KIR3DL3: variants seen among roughly 807,000 people sequenced by gnomAD.
KIR3DL3 encodes the protein killer cell immunoglobulin like receptor, three Ig domains and long cytoplasmic tail 3.
A neutral mutation model predicts 34.9 loss-of-function variants in KIR3DL3; 27 were observed. The observed-to-expected ratio is 0.77, with a 90% CI of 0.57 to 1.07. The LOEUF is 1.07. Among genes scored for constraint, KIR3DL3 ranks in the 50% least tolerant of loss-of-function variants. KIR3DL3 has a pLI of 0.00. For synonymous variants in KIR3DL3, 217 were observed against 200.2 expected (o/e 1.08, Z -0.71); for missense variants, 681 against 528.5 (o/e 1.29, Z -2.83).
chr19:54,732,970 T>C (rs2068987007), intron 5 of KIR3DL3, among the ~76,000 whole-genome samples: 1 of 152,138 alleles, frequency 6.6e-6, no homozygotes, highest in Admixed American at 6.5e-5. Context: ...AACTGGAATC[T>C]AGGAGACCGT....
At chr19:54,734,552 G>T (rs35835276) in intron 5 of KIR3DL3, among the ~76,000 whole-genome samples, 2,134 of 151,556 alleles carry the variant, frequency 0.014, 55 homozygotes, top group African/African-American at 0.049. Context: ...ACTGCATGAC[G>T]TCCTCCTCCA....
At position 54,725,932 on chromosome 19, in the gene KIR3DL3, C is replaced by T. The variant is rs1310700748; in HGVS notation, c.71-121C>T. Reference sequence around the variant, plus strand: ...ATGCGGGATGGGTCCTTCCTGTAGCCCTGGGCACCCAGGTGTGGTAGGAGC... The same window carrying T: ...ATGCGGGATGGGTCCTTCCTGTAGCTCTGGGCACCCAGGTGTGGTAGGAGC... On this transcript the variant is annotated intron_variant, in intron 2 of 7. Transcript: ENST00000291860. 9 of 938,714 alleles carry T rather than the reference C, an allele frequency of 9.6e-6. No individual in the cohort carries two copies. In the East Asian group the frequency reaches 1.9e-4, roughly 20 times the overall value. The allele number at this position is 938,714 out of a possible 1,614,324, so 58.1% of individuals were successfully genotyped here. A position where few individuals can be genotyped will look rare whatever the true frequency, so the allele number is the denominator to read the frequency against.
At position 54,736,444 on chromosome 19, in the gene KIR3DL3, C is replaced by A; in HGVS notation, c.*348C>A. The A allele has an allele frequency of 4.8e-6, 2 of 418,854 alleles. No homozygotes were observed. Among genetic ancestry groups the A allele is most frequent in the Non-Finnish European group, 8.6e-6 (2 of 232,358 alleles). The allele number at this position is 418,854 out of a possible 1,614,324, so 25.9% of individuals were successfully genotyped here. A position where few individuals can be genotyped will look rare whatever the true frequency, so the allele number is the denominator to read the frequency against. ...GGCTTACTTCCTAGTCTACTTGAGG[C>A]TGCGATCACACTGAGGAACTCACAA... On this transcript the variant is annotated 3_prime_UTR_variant, in exon 8 of 8. Coordinates refer to ENST00000291860, the MANE Select transcript of KIR3DL3 (RefSeq NM_153443.5).
At chr19:54,732,240 G>A (rs2068884290) in intron 5 of KIR3DL3, among the ~76,000 whole-genome samples, 1 of 132,672 alleles carries the variant, frequency 7.5e-6, no homozygotes, top group African/African-American at 2.7e-5. Context: ...TTTTGTGTGT[G>A]TGTGTGTTTT....
At chr19:54,731,811 CTCT>C (rs2068825774) in intron 5 of KIR3DL3, among the ~76,000 whole-genome samples, 1 of 151,868 alleles carries the variant, frequency 6.6e-6, no homozygotes, top group Non-Finnish European at 1.5e-5. Flanking sequence ...ATCATTCAGA[CTCT>C]TCTTCTTTAC....
At position 54,729,649 on chromosome 19, in the gene KIR3DL3, G is replaced by T. The variant is rs1175885358; in HGVS notation, c.812G>T (p.Arg271Met). Residue 271 changes from arginine (R) to methionine (M), a missense_variant, in exon 5 of 8, where the codon AGG becomes ATG. Arg to Met is a moderately conservative substitution (Grantham distance 91). Coordinates refer to ENST00000291860, the MANE Select transcript of KIR3DL3 (RefSeq NM_153443.5). ...AGELRLTAVL[R>M]VNGTFQANFP... is the part of the protein sequence containing the mutation. Reference sequence around the variant, plus strand: ...GAACTTAGGCTCACTGCAGTGCTGAGGGTCAATGGAACATTCCAGGCCAAC... The same window carrying T: ...GAACTTAGGCTCACTGCAGTGCTGATGGTCAATGGAACATTCCAGGCCAAC... 418 of 1,601,128 alleles carry T rather than the reference G, an allele frequency of 2.6e-4. No homozygotes were observed. Among genetic ancestry groups the T allele is most frequent in the Non-Finnish European group, 3.1e-4 (369 of 1,176,654 alleles).
In KIR3DL3 at chr19:54,735,255, A is replaced by G. The variant is rs2069360619; in HGVS notation, c.952A>G (p.Asn318Asp). The change falls in exon 6 of 8, where the codon AAC (asparagine) becomes GAC (aspartate). Residue 318 changes from asparagine to aspartate, a missense_variant and splice_region_variant. Transcript: ENST00000291860. ...ATTGGTGTCTTGTCTTCCTCCAGGTAACTCCAGAAACCTGCACGTTCTGAT... is the reference window on the plus strand; with the variant it reads ...ATTGGTGTCTTGTCTTCCTCCAGGTGACTCCAGAAACCTGCACGTTCTGAT... ...SDPLPVSVTG[N>D]SRNLHVLIGT... The G allele has an allele frequency of 6.0e-6, 9 of 1,497,370 alleles. No individual in the cohort carries two copies. Among genetic ancestry groups the G allele is most frequent in the African/African-American group, 4.4e-5 (3 of 68,520 alleles). 92.8% of individuals were successfully genotyped at this position (1,497,370 alleles called of 1,614,324 possible). A position where few individuals can be genotyped will look rare whatever the true frequency, so the allele number is the denominator to read the frequency against.
intron 5 of KIR3DL3, among the ~76,000 whole-genome samples, chr19:54,731,621 C>T (rs2068802986): frequency 1.3e-5 from 2 of 152,066 alleles, no homozygotes; most frequent in South Asian, 4.2e-4. Flanking sequence ...GTATGAACTG[C>T]ATTTCACTGG....
chr19:54,729,500 T>C lies in KIR3DL3; in HGVS notation c.663T>C (p.Tyr221=), dbSNP rs2068568075. ...DPLDIVVVGL[Y]GKPSLSAQPG... is the part of the protein sequence containing the mutation. ...CACCTCTTCTTCTTCCAGGTCTATA[T>C]GGGAAACCTTCTCTCTCAGCCCAGC... is the stretch of plus-strand genomic sequence containing the variant. The change falls in exon 5 of 8, where the codon TAT becomes TAC. Residue 221 remains tyrosine, a synonymous_variant. Transcript: ENST00000291860. 1.1e-5 allele frequency: 18 copies of C among 1,603,192 alleles called. 1 individual carries two copies. The South Asian group carries it at 2.0e-4, about 18-fold the overall frequency.
chr19:54,729,511 C>T lies in KIR3DL3; in HGVS notation c.674C>T (p.Ser225Phe). The part of the protein sequence containing the change: ...IVVVGLYGKP[S>F]LSAQPGPTVQ... ...CTTCCAGGTCTATATGGGAAACCTT[C>T]TCTCTCAGCCCAGCCGGGCCCCACG... is the stretch of plus-strand genomic sequence containing the variant. Residue 225 changes from serine (S) to phenylalanine (F), a missense_variant, in exon 5 of 8, where the codon TCT (serine) becomes TTT (phenylalanine). Physicochemically the swap from Ser to Phe is radical, Grantham distance 155. Transcript: ENST00000291860. 1.9e-6 allele frequency: 3 copies of T among 1,605,736 alleles called. No homozygotes were observed. The highest frequency in any genetic ancestry group is 1.7e-6 in the Non-Finnish European group (2 of 1,178,126).
chr19:54,724,723 T>C (rs1343155073), intron 1 of KIR3DL3, among the ~76,000 whole-genome samples, 193 bp downstream of exon 1: 2 of 99,680 alleles, frequency 2.0e-5, no homozygotes, highest in Non-Finnish European at 4.1e-5. Context: ...GGGCCTGAAG[T>C]AGAGATATGG....
chr19:54,729,883 A>C, intron 5 of KIR3DL3, 97 bp downstream of exon 5: 3 of 1,212,468 alleles, frequency 2.5e-6, no homozygotes, highest in Non-Finnish European at 3.4e-6. Flanking sequence ...ACAGATGCCG[A>C]GACAGAACAC....
intron 5 of KIR3DL3, among the ~76,000 whole-genome samples, chr19:54,733,607 C>T (rs2069082570): frequency 6.6e-6 from 1 of 152,160 alleles, no homozygotes; most frequent in Admixed American, 6.6e-5. Context: ...TTCTATTTCT[C>T]TGTGTTTAAT....
In KIR3DL3 at chr19:54,735,270, C is replaced by T. The variant is rs1480255798; in HGVS notation, c.967C>T (p.His323Tyr). The T allele has an allele frequency of 1.3e-6, 2 of 1,511,316 alleles. No individual in the cohort carries two copies. Among genetic ancestry groups the T allele is most frequent in the African/African-American group, 1.5e-5 (1 of 68,428 alleles). The allele number at this position is 1,511,316 out of a possible 1,614,324, so 93.6% of individuals were successfully genotyped here. A position where few individuals can be genotyped will look rare whatever the true frequency, so the allele number is the denominator to read the frequency against. ...VSVTGNSRNLHVLIGTSVVII... is the reference protein window; with the variant it reads ...VSVTGNSRNLYVLIGTSVVII... ...TCCTCCAGGTAACTCCAGAAACCTG[C>T]ACGTTCTGATTGGGACCTCAGTGGT... The change falls in exon 6 of 8, where the codon CAC (histidine) becomes TAC (tyrosine). Residue 323 changes from histidine (H) to tyrosine (Y), a missense_variant. By Grantham distance (83) the His-to-Tyr change is moderately conservative. Coordinates refer to ENST00000291860, the MANE Select transcript of KIR3DL3 (RefSeq NM_153443.5).
At chr19:54,727,480 C>A (rs2068313513) in intron 3 of KIR3DL3, 131 bp from the exon 4 acceptor site, 2 of 867,222 alleles carry the variant, frequency 2.3e-6, no homozygotes, top group Non-Finnish European at 3.5e-6. Flanking sequence ...GTTATGGGCA[C>A]AAAAGAACAC....
Position 54,729,511 on chromosome 19 carries a change from C to A in KIR3DL3, c.674C>A (p.Ser225Tyr). 6.2e-7 allele frequency: 1 copy of A among 1,605,736 alleles called. No homozygotes were observed. ...CTTCCAGGTCTATATGGGAAACCTT[C>A]TCTCTCAGCCCAGCCGGGCCCCACG... is the stretch of plus-strand genomic sequence containing the variant. ...IVVVGLYGKPSLSAQPGPTVQ... is the reference protein window; with the variant it reads ...IVVVGLYGKPYLSAQPGPTVQ... Residue 225 changes from serine (S) to tyrosine (Y), a missense_variant, in exon 5 of 8, where the codon TCT becomes TAT. Transcript: ENST00000291860.
intron 5 of KIR3DL3, 35 bp downstream of exon 5, chr19:54,729,821 A>T: frequency 6.4e-7 from 1 of 1,574,300 alleles, no homozygotes; most frequent in East Asian, 2.3e-5. Context: ...ATGTCTTGTG[A>T]TCCTAGAGCC....
Position 54,733,395 on chromosome 19 carries a change from A to G in KIR3DL3, c.950-1858A>G, listed in dbSNP as rs112668569. 1.1e-3 allele frequency among the ~76,000 whole-genome samples: 174 copies of G among 152,206 alleles called. 1 individual carries two copies. Among genetic ancestry groups the G allele is most frequent in the African/African-American group, 4.0e-3 (168 of 41,514 alleles). ...AAAAATACAAAAATTAGCCTGGTGC[A>G]TTGGCACCTGCCTGTAATCCCAGCG... On this transcript the variant is annotated intron_variant, in intron 5 of 7. Transcript: ENST00000291860.
chr19:54,735,271 A>G lies in KIR3DL3; in HGVS notation c.968A>G (p.His323Arg). The G allele has an allele frequency of 1.3e-6, 2 of 1,513,558 alleles. No homozygotes were observed. The highest frequency in any genetic ancestry group is 1.8e-6 in the Non-Finnish European group (2 of 1,099,528). 93.8% of individuals were successfully genotyped at this position (1,513,558 alleles called of 1,614,324 possible). A position where few individuals can be genotyped will look rare whatever the true frequency, so the allele number is the denominator to read the frequency against. ...VSVTGNSRNL[H>R]VLIGTSVVII... Reference sequence around the variant, plus strand: ...CCTCCAGGTAACTCCAGAAACCTGCACGTTCTGATTGGGACCTCAGTGGTC... The same window carrying G: ...CCTCCAGGTAACTCCAGAAACCTGCGCGTTCTGATTGGGACCTCAGTGGTC... The change falls in exon 6 of 8, where the codon CAC (histidine) becomes CGC (arginine). Residue 323 changes from histidine to arginine, a missense_variant. Coordinates refer to ENST00000291860, the MANE Select transcript of KIR3DL3 (RefSeq NM_153443.5).
Sources: allele counts gnomAD v4.1 joint callset (sites outside exome capture counted in the v4.1 genomes callset), GRCh38; gene constraint gnomAD v4.1.1; transcripts MANE v1.5; gene names NCBI Gene and HGNC (gene_info 2026-07-23, HGNC 2026-07-21).